Variants in SV2C observed in about 807,000 individuals in gnomAD.
SV2C encodes the protein synaptic vesicle glycoprotein 2C.
Under a neutral mutation model 79.7 loss-of-function variants are expected in SV2C, and 49 were observed. The observed-to-expected ratio is 0.61, with a 90% CI of 0.49 to 0.78. SV2C has a LOEUF of 0.78. Ranked by LOEUF, SV2C falls within the 30% of genes least tolerant of loss-of-function variation. The pLI is 0.00. For synonymous variants in SV2C, 334 were observed against 333.2 expected (o/e 1.00, Z -0.03); for missense variants, 833 against 912.9 (o/e 0.91, Z 1.13).
intron 3 of SV2C, among the ~76,000 whole-genome samples, chr5:76,197,037 G>T (rs1258213284): frequency 6.6e-6 from 1 of 152,164 alleles, no homozygotes; most frequent in South Asian, 2.1e-4. Flanking sequence ...CCGGGGGCTG[G>T]GAATCAAGAA....
At chr5:76,158,169 T>C (rs1742791395) in intron 2 of SV2C, among the ~76,000 whole-genome samples, 2 of 151,922 alleles carry the variant, frequency 1.3e-5, no homozygotes, top group African/African-American at 4.8e-5. Context: ...AAAAGTAGAA[T>C]GGTAGACATA....
At chr5:75,924,362 T>C in the SV2C span, among the ~76,000 whole-genome samples, 1 of 152,144 alleles carries the variant, frequency 6.6e-6, no homozygotes, top group Non-Finnish European at 1.5e-5. Flanking sequence ...CTAAAGTACA[T>C]ATCCATGTAA....
chr5:76,129,218 T>C (rs75080225), intron 1 of SV2C, among the ~76,000 whole-genome samples: 1,805 of 152,362 alleles, frequency 0.012, 72 homozygotes, highest in Admixed American at 0.062. Context: ...TGGCAATATC[T>C]ACAAACATCT....
the SV2C span, among the ~76,000 whole-genome samples, chr5:75,919,235 C>G: frequency 6.6e-6 from 1 of 152,224 alleles, no homozygotes; most frequent in Non-Finnish European, 1.5e-5. Flanking sequence ...GCAAGAAAGG[C>G]TAGATCAGAG....
chr5:75,923,676 A>G, the SV2C span, among the ~76,000 whole-genome samples: 1 of 152,210 alleles, frequency 6.6e-6, no homozygotes, highest in African/African-American at 2.4e-5. Flanking sequence ...AATAACGCTA[A>G]TCATCAGGGA....
intron 2 of SV2C, among the ~76,000 whole-genome samples, chr5:76,138,228 C>T (rs1644148199): frequency 6.6e-6 from 1 of 152,192 alleles, no homozygotes; most frequent in Non-Finnish European, 1.5e-5. Flanking sequence ...TGATCTGTAG[C>T]TGGGTATTAG....
intron 12 of SV2C, among the ~76,000 whole-genome samples, chr5:76,318,378 A>G (rs1748707675): frequency 6.6e-6 from 1 of 152,136 alleles, no homozygotes; most frequent in South Asian, 2.1e-4. Flanking sequence ...AGATCGTGCC[A>G]CTGCACTCCA....
intron 12 of SV2C, among the ~76,000 whole-genome samples, chr5:76,341,141 G>A (rs1414869434): frequency 1.3e-5 from 2 of 152,000 alleles, no homozygotes; most frequent in Admixed American, 6.6e-5. Context: ...ATGTTGGCCA[G>A]GCTTGTCTCA....
the SV2C span, among the ~76,000 whole-genome samples, chr5:76,067,486 G>A: frequency 6.6e-6 from 1 of 151,672 alleles, no homozygotes; most frequent in Non-Finnish European, 1.5e-5. Flanking sequence ...ATTCTGCACT[G>A]ACTGAGAGGT....
At chr5:76,168,013 C>T (rs1743095407) in intron 2 of SV2C, among the ~76,000 whole-genome samples, 1 of 152,132 alleles carries the variant, frequency 6.6e-6, no homozygotes, top group African/African-American at 2.4e-5. Context: ...CAATGAAATC[C>T]AGTCGTTTGT....
chr5:76,191,916 G>A lies in SV2C; in HGVS notation c.581-3003G>A, dbSNP rs1039634175. 1.1e-4 allele frequency among the ~76,000 whole-genome samples: 16 copies of A among 152,222 alleles called. No homozygotes were observed. In the East Asian group the frequency reaches 1.5e-3, roughly 15 times the overall value. ...TCACAGCCTGGCCTCTTTTAACATC[G>A]CTTTCCTGGAATTGAATGGAAAGTC... On this transcript the variant is annotated intron_variant, in intron 2 of 12. Coordinates refer to ENST00000502798, the MANE Select transcript of SV2C (RefSeq NM_014979.4).
the SV2C span, among the ~76,000 whole-genome samples, chr5:75,881,093 C>A: frequency 0.028 from 4,306 of 152,168 alleles, 193 homozygotes; most frequent in African/African-American, 0.095. Context: ...GTACTCTCAA[C>A]ACCAAGGGGA....
intron 1 of SV2C, among the ~76,000 whole-genome samples, chr5:76,099,021 A>T (rs181211340): frequency 9.2e-5 from 14 of 152,272 alleles, no homozygotes; most frequent in Admixed American, 5.2e-4. Flanking sequence ...TTGGGGCATT[A>T]TGTACTTCCT....
At chr5:76,317,287 T>C (rs1410434542) in intron 12 of SV2C, among the ~76,000 whole-genome samples, 1 of 152,222 alleles carries the variant, frequency 6.6e-6, no homozygotes, top group Non-Finnish European at 1.5e-5. Context: ...TAGATCACAA[T>C]GTCCTCCTGA....
At chr5:76,348,780 C>G (rs890961760) in intron 12 of SV2C, among the ~76,000 whole-genome samples, 3 of 152,116 alleles carry the variant, frequency 2.0e-5, no homozygotes, top group Non-Finnish European at 2.9e-5. Context: ...GCAGGTAGAT[C>G]ACAAGATCAG....
chr5:76,216,356 A>C (rs1257783106), intron 4 of SV2C, among the ~76,000 whole-genome samples: 1 of 152,040 alleles, frequency 6.6e-6, no homozygotes, highest in Non-Finnish European at 1.5e-5. Context: ...CCCTGCCACC[A>C]CTCCATTCAG....
chr5:76,348,482 GAT>G (rs1343555601), intron 12 of SV2C, among the ~76,000 whole-genome samples: 2 of 152,186 alleles, frequency 1.3e-5, no homozygotes, highest in African/African-American at 2.4e-5. Flanking sequence ...TATTTGTAAG[GAT>G]ATGTTTAGTT....
At chr5:76,077,655 G>A in the SV2C span, among the ~76,000 whole-genome samples, 3 of 152,196 alleles carry the variant, frequency 2.0e-5, no homozygotes, top group Non-Finnish European at 4.4e-5. Context: ...CCTAGAACCA[G>A]GACCTGTCCA....
chr5:76,067,063 A>C, the SV2C span, among the ~76,000 whole-genome samples: 2 of 152,226 alleles, frequency 1.3e-5, no homozygotes, highest in Non-Finnish European at 2.9e-5. Context: ...TCTTAAAGAA[A>C]AAAGATGTGA....
Sources: allele counts gnomAD v4.1 joint callset (sites outside exome capture counted in the v4.1 genomes callset), GRCh38; gene constraint gnomAD v4.1.1; transcripts MANE v1.5; gene names NCBI Gene and HGNC (gene_info 2026-07-23, HGNC 2026-07-21).